The following ZZEF1 variants were observed in gnomAD, a reference collection of about 807,000 sequenced individuals.
ZZEF1 encodes zinc finger ZZ-type and EF-hand domain-containing protein 1.
In ZZEF1, 157 loss-of-function variants were observed where a neutral mutation model predicts 342.8. The observed-to-expected ratio is 0.46, with a 90% CI of 0.40 to 0.52. ZZEF1 has a LOEUF of 0.52. Ranked by LOEUF, ZZEF1 falls within the 20% of genes least tolerant of loss-of-function variation. ZZEF1 has a pLI of 0.00. For missense variants in ZZEF1, 3,480 were observed against 3,725.6 expected (o/e 0.93, Z 1.72); for synonymous variants, 1,505 against 1,429.1 (o/e 1.05, Z -1.20).
At chr17:4,071,349 G>A (rs2057504597) in intron 25 of ZZEF1, 1 of 162,820 alleles carries the variant, frequency 6.1e-6, no homozygotes, top group South Asian at 1.7e-4. Context: ...CTGGCCTGAA[G>A]TCTCAGCTGG....
At chr17:4,107,365 T>G (rs763789316) in intron 6 of ZZEF1, among the ~76,000 whole-genome samples, 3 of 152,144 alleles carry the variant, frequency 2.0e-5, no homozygotes, top group Non-Finnish European at 2.9e-5. Flanking sequence ...AAGATGGGAC[T>G]GTGCAGTGCA....
chr17:4,129,220 G>A (rs1302042823), intron 1 of ZZEF1, among the ~76,000 whole-genome samples: 2 of 152,140 alleles, frequency 1.3e-5, no homozygotes, highest in Non-Finnish European at 2.9e-5. Flanking sequence ...AATCATGAAA[G>A]AACAGGATAA....
intron 34 of ZZEF1, among the ~76,000 whole-genome samples, chr17:4,052,753 G>A (rs910113072): frequency 6.6e-6 from 1 of 152,080 alleles, no homozygotes; most frequent in African/African-American, 2.4e-5. Context: ...TGTACTCCCA[G>A]CTACTTGGGA....
Position 4,088,860 on chromosome 17 carries a change from C to G in ZZEF1, c.2059G>C (p.Glu687Gln). 1 of 1,614,140 alleles carries G rather than the reference C, an allele frequency of 6.2e-7. No homozygotes were observed. The highest frequency in any genetic ancestry group is 8.5e-7 in the Non-Finnish European group (1 of 1,180,042). Residue 687 changes from glutamate (E) to glutamine (Q), a missense_variant, in exon 13 of 55, where the codon GAG (glutamate) becomes CAG (glutamine). Glu to Gln is a conservative substitution (Grantham distance 29). Transcript: ENST00000381638. The part of the protein sequence containing the change: ...LMVKFLCTRQ[E>Q]SAERLGVQGL... ...TGCACTCCCAAGCGCTCTGCTGACT[C>G]CTGACGGGTGCAGAGGAACTTCACC... is the stretch of plus-strand genomic sequence containing the variant.
At chr17:4,022,435 T>C (rs1332200734) in intron 44 of ZZEF1, 1 of 350,062 alleles carries the variant, frequency 2.9e-6, no homozygotes, top group Non-Finnish European at 5.3e-6. Flanking sequence ...GGGTATACTT[T>C]ATTACCATGA....
At chr17:4,031,231 G>A (rs1357992938) in intron 42 of ZZEF1, among the ~76,000 whole-genome samples, 1 of 151,974 alleles carries the variant, frequency 6.6e-6, no homozygotes, top group African/African-American at 2.4e-5. Context: ...CAGAAGAATC[G>A]CTGGAACCCA....
rs1029524005 is a variant in ZZEF1 at position 4,005,873 on chromosome 17, C to CT, written c.*1016dup. On this transcript the variant is annotated 3_prime_UTR_variant, in exon 55 of 55. Transcript: ENST00000381638. The stretch of plus-strand genomic sequence containing the variant: ...TCTGGAGGGAGAATCATCATCGGCA[C>CT]TCCAGGGCAAGACTAAACCCATCAA... 8.5e-5 allele frequency: 13 copies of CT among 152,252 alleles called. No individual in the cohort carries two copies. Among genetic ancestry groups the CT allele is most frequent in the African/African-American group, 3.1e-4 (13 of 41,446 alleles). The allele number at this position is 152,252 out of a possible 1,614,324, so 9.4% of individuals were successfully genotyped here.
chr17:4,066,507 C>T lies in ZZEF1; in HGVS notation c.4189G>A (p.Gly1397Arg), dbSNP rs962286052. ...EMKQKSLMSLGNEAEEKHSSE... is the reference protein window; with the variant it reads ...EMKQKSLMSLRNEAEEKHSSE... ...CTATGTTTTTCTTCTGCTTCATTCCCCAGGCTCATCAGGGACTTCTGCTTC... is the reference window on the plus strand; with the variant it reads ...CTATGTTTTTCTTCTGCTTCATTCCTCAGGCTCATCAGGGACTTCTGCTTC... The change falls in exon 28 of 55, where the codon GGG becomes AGG. Residue 1397 changes from glycine (G) to arginine (R), a missense_variant. Gly to Arg is a moderately radical substitution (Grantham distance 125, BLOSUM62 -2). Coordinates refer to ENST00000381638, the MANE Select transcript of ZZEF1 (RefSeq NM_015113.4). The T allele has an allele frequency of 1.2e-6, 2 of 1,614,118 alleles. No homozygotes were observed. Among genetic ancestry groups the T allele is most frequent in the Non-Finnish European group, 1.7e-6 (2 of 1,180,032 alleles).
intron 39 of ZZEF1, among the ~76,000 whole-genome samples, chr17:4,041,310 G>A (rs28516899): frequency 0.12 from 18,447 of 152,104 alleles, 1,184 homozygotes; most frequent in Middle Eastern, 0.14. Flanking sequence ...TGATTTTCCT[G>A]CCAGACGCAT....
chr17:4,142,500 G>T (rs1269938249), intron 1 of ZZEF1, 42 bp downstream of exon 1: 4 of 1,577,442 alleles, frequency 2.5e-6, no homozygotes, highest in East Asian at 2.3e-5. Flanking sequence ...CCCTGGGGGC[G>T]ACCGCCCTGC....
At chr17:4,013,946 G>A in intron 51 of ZZEF1, 144 bp downstream of exon 51, 1 of 766,786 alleles carries the variant, frequency 1.3e-6, no homozygotes, top group East Asian at 2.7e-5. Flanking sequence ...AGTGACAGGT[G>A]TGGGGCTTGT....
intron 29 of ZZEF1, among the ~76,000 whole-genome samples, 188 bp from the exon 30 acceptor site, chr17:4,063,105 A>T (rs1176107764): frequency 6.6e-6 from 1 of 152,370 alleles, no homozygotes; most frequent in East Asian, 1.9e-4. Context: ...GCAGCACTAC[A>T]AATCAGTTCA....
At chr17:4,115,923 G>A (rs146820504) in intron 3 of ZZEF1, among the ~76,000 whole-genome samples, 139 of 152,204 alleles carry the variant, frequency 9.1e-4, no homozygotes, top group African/African-American at 3.2e-3. Context: ...AGGCTGTTCC[G>A]TATTTTACAA....
chr17:4,036,803 ACACACACACACACACTCT>A (rs1280765954), intron 39 of ZZEF1, among the ~76,000 whole-genome samples: 8 of 93,684 alleles, frequency 8.5e-5, no homozygotes, highest in African/African-American at 1.8e-4. Flanking sequence ...ACACACACAC[ACACACACACACACACTCT>A]CTCTCTCTCT....
At chr17:4,015,186 C>A (rs553341705) in intron 49 of ZZEF1, among the ~76,000 whole-genome samples, 11 of 152,090 alleles carry the variant, frequency 7.2e-5, no homozygotes, top group Non-Finnish European at 1.3e-4. Context: ...CAACGGGTGT[C>A]CAGGGTCAGT....
chr17:4,071,755 A>C (rs2057513925), intron 25 of ZZEF1, among the ~76,000 whole-genome samples: 2 of 152,196 alleles, frequency 1.3e-5, no homozygotes, highest in African/African-American at 4.8e-5. Flanking sequence ...TTCTGAGTTA[A>C]GGGGAGTCAG....
At chr17:4,066,687 C>G in intron 27 of ZZEF1, 147 bp from the exon 28 acceptor site, 1 of 691,240 alleles carries the variant, frequency 1.4e-6, no homozygotes, top group Non-Finnish European at 2.5e-6. Flanking sequence ...TACTCACAAC[C>G]TTATTACTTA....
At chr17:4,080,923 A>C (rs983755738) in intron 18 of ZZEF1, among the ~76,000 whole-genome samples, 1 of 152,176 alleles carries the variant, frequency 6.6e-6, no homozygotes, top group Non-Finnish European at 1.5e-5. Flanking sequence ...CTTTGTGATC[A>C]TTTGTAAGAG....
At chr17:4,021,405 C>A in intron 44 of ZZEF1, 85 bp from the exon 45 acceptor site, 1 of 1,128,450 alleles carries the variant, frequency 8.9e-7, no homozygotes, top group South Asian at 1.9e-5. Flanking sequence ...AATATTGGGC[C>A]TAACTTTTTA....
Sources: allele counts gnomAD v4.1 joint callset (sites outside exome capture counted in the v4.1 genomes callset), GRCh38; gene constraint gnomAD v4.1.1; transcripts MANE v1.5; gene names NCBI Gene and HGNC (gene_info 2026-07-23, HGNC 2026-07-21).